PCDH7: variants seen among roughly 807,000 people sequenced by gnomAD.
PCDH7 encodes the protein protocadherin 7.
A neutral mutation model predicts 58.9 loss-of-function variants in PCDH7; 17 were observed. The observed-to-expected ratio is 0.29, with a 90% confidence interval of 0.20 to 0.43. The LOEUF (loss-of-function observed/expected upper bound fraction) is 0.43, where lower values mean the gene tolerates loss of function less well. PCDH7 is among the 20% of genes least tolerant of loss of function. PCDH7 has a pLI of 1.00. For missense variants in PCDH7, 1,274 were observed against 1,441.0 expected (o/e 0.88, Z 1.88); for synonymous variants, 664 against 616.4 (o/e 1.08, Z -1.14).
chr4:30,866,925 T>TC (rs1392501863), intron 1 of PCDH7, among the ~76,000 whole-genome samples: 2 of 152,022 alleles, frequency 1.3e-5, no homozygotes, highest in African/African-American at 2.4e-5. Context: ...CTTTTTGGTT[T>TC]CCCCCCAGAA....
chr4:31,051,879 A>G (rs1170361881), intron 3 of PCDH7, among the ~76,000 whole-genome samples: 1 of 151,968 alleles, frequency 6.6e-6, no homozygotes, highest in South Asian at 2.1e-4. Context: ...TTTATTTAAT[A>G]TAGCTTCAGC....
intron 1 of PCDH7, among the ~76,000 whole-genome samples, chr4:30,852,433 G>A (rs1245438517): frequency 6.6e-6 from 1 of 152,016 alleles, no homozygotes; most frequent in African/African-American, 2.4e-5. Context: ...ATATGTCAGA[G>A]GATAATGTGT....
At chr4:31,080,581 A>T (rs2109267978) in intron 3 of PCDH7, among the ~76,000 whole-genome samples, 1 of 152,304 alleles carries the variant, frequency 6.6e-6, no homozygotes, top group East Asian at 1.9e-4. Flanking sequence ...AATTAGAGTA[A>T]GATCGTTCTT....
At chr4:31,047,947 A>G (rs971977073) in intron 3 of PCDH7, among the ~76,000 whole-genome samples, 3 of 152,022 alleles carry the variant, frequency 2.0e-5, no homozygotes, top group African/African-American at 7.2e-5. Context: ...ACATGCATAG[A>G]TGACTTGTGG....
At chr4:31,006,901 A>G (rs554329393) in intron 3 of PCDH7, among the ~76,000 whole-genome samples, 4 of 138,918 alleles carry the variant, frequency 2.9e-5, no homozygotes, top group Admixed American at 1.4e-4. Context: ...TCAAAAAAAA[A>G]AAAAAAGAAA....
At chr4:30,987,186 A>C (rs1298781141) in intron 3 of PCDH7, among the ~76,000 whole-genome samples, 2 of 152,188 alleles carry the variant, frequency 1.3e-5, no homozygotes, top group Non-Finnish European at 2.9e-5. Flanking sequence ...TCTTCTTAAA[A>C]TTAAACAAAC....
At chr4:30,877,700 T>C (rs572270526) in intron 1 of PCDH7, among the ~76,000 whole-genome samples, 2 of 152,288 alleles carry the variant, frequency 1.3e-5, no homozygotes, top group Non-Finnish European at 2.9e-5. Context: ...TTCATTCTTA[T>C]TTTTATGCTG....
chr4:31,047,566 C>G (rs539299084), intron 3 of PCDH7, among the ~76,000 whole-genome samples: 1 of 152,138 alleles, frequency 6.6e-6, no homozygotes, highest in East Asian at 1.9e-4. Flanking sequence ...AAAATGCACT[C>G]ATTTGTATCT....
chr4:31,094,860 G>A (rs1388697665), intron 3 of PCDH7, among the ~76,000 whole-genome samples: 3 of 150,758 alleles, frequency 2.0e-5, no homozygotes, highest in African/African-American at 7.5e-5. Flanking sequence ...GATGCCTTAG[G>A]GATATGTTAC....
At chr4:31,119,145 G>A (rs1306764427) in intron 3 of PCDH7, among the ~76,000 whole-genome samples, 2 of 151,934 alleles carry the variant, frequency 1.3e-5, no homozygotes, top group East Asian at 1.9e-4. Flanking sequence ...CTTTCTTCAT[G>A]ATGGGAAATG....
At chr4:30,913,153 G>A (rs1742002610) in intron 1 of PCDH7, among the ~76,000 whole-genome samples, 1 of 151,578 alleles carries the variant, frequency 6.6e-6, no homozygotes, top group South Asian at 2.1e-4. Context: ...ATTGTATTCT[G>A]AAAGCAGAAT....
intron 3 of PCDH7, among the ~76,000 whole-genome samples, chr4:31,081,963 G>A (rs1439963410): frequency 6.6e-6 from 1 of 152,086 alleles, no homozygotes; most frequent in Non-Finnish European, 1.5e-5. Flanking sequence ...AGTAGAGACA[G>A]GGTTTCACCA....
At chr4:30,880,355 G>C (rs908384727) in intron 1 of PCDH7, among the ~76,000 whole-genome samples, 1 of 151,574 alleles carries the variant, frequency 6.6e-6, no homozygotes, top group African/African-American at 2.4e-5. Flanking sequence ...TATATAAAGA[G>C]CTTAATTAAA....
At chr4:30,808,026 G>T (rs1726469308) in intron 1 of PCDH7, among the ~76,000 whole-genome samples, 1 of 152,176 alleles carries the variant, frequency 6.6e-6, no homozygotes, top group Non-Finnish European at 1.5e-5. Flanking sequence ...GGTGTAGGAG[G>T]CAGGGGAGGG....
chr4:30,917,399 T>C (rs1261726444), intron 1 of PCDH7, among the ~76,000 whole-genome samples: 4 of 152,180 alleles, frequency 2.6e-5, no homozygotes, highest in African/African-American at 4.8e-5. Context: ...GCTAGTGATA[T>C]AATGCTGATA....
chr4:31,056,522 AGGG>A (rs1757253979), intron 3 of PCDH7, among the ~76,000 whole-genome samples: 1 of 135,246 alleles, frequency 7.4e-6, no homozygotes, highest in Non-Finnish European at 1.6e-5. Context: ...AGAAAGGGGA[AGGG>A]AAGGGAAGGA....
At chr4:30,915,737 T>A (rs933603159) in intron 1 of PCDH7, among the ~76,000 whole-genome samples, 2 of 152,138 alleles carry the variant, frequency 1.3e-5, no homozygotes, top group Non-Finnish European at 1.5e-5. Context: ...TTGGCCAGGA[T>A]GGTCTCAATC....
chr4:30,877,012 A>G (rs10000603), intron 1 of PCDH7, among the ~76,000 whole-genome samples: 1,978 of 152,156 alleles, frequency 0.013, 39 homozygotes, highest in African/African-American at 0.044. Flanking sequence ...ACAGTCCCTG[A>G]TAGGGATTAA....
At chr4:30,962,365 G>A (rs1006581110) in intron 3 of PCDH7, among the ~76,000 whole-genome samples, 10 of 152,076 alleles carry the variant, frequency 6.6e-5, no homozygotes, top group Non-Finnish European at 1.2e-4. Flanking sequence ...AAGTTGGACC[G>A]CCTATGTAAT....
Sources: gnomAD v4.1 joint callset for allele counts (sites outside exome capture counted in the v4.1 genomes callset) on GRCh38, gnomAD v4.1.1 for gene constraint, MANE v1.5 for transcripts, NCBI Gene and HGNC (gene_info 2026-07-23, HGNC 2026-07-21) for gene names.